Variants in EHD1 observed in about 807,000 individuals in gnomAD.
The protein encoded by EHD1 is EH domain containing 1.
Under a neutral mutation model 39.0 loss-of-function variants are expected in EHD1, and 19 were observed. That is an observed-to-expected ratio of 0.49 (90% confidence interval 0.34 to 0.72). EHD1 has a LOEUF of 0.72. Ranked by LOEUF, EHD1 falls within the 30% of genes least tolerant of loss-of-function variation. EHD1 has a pLI of 0.01. For synonymous variants in EHD1, 323 were observed against 331.2 expected (o/e 0.98, Z 0.27); for missense variants, 542 against 751.5 (o/e 0.72, Z 3.26).
chr11:64,876,913 C>G (rs982395131), intron 1 of EHD1, among the ~76,000 whole-genome samples: 5 of 152,218 alleles, frequency 3.3e-5, no homozygotes, highest in Admixed American at 6.5e-5. Context: ...TGAACAGACC[C>G]TGCTGAAGGT....
chr11:64,873,989 T>C (rs944507584), intron 2 of EHD1, among the ~76,000 whole-genome samples: 3 of 151,216 alleles, frequency 2.0e-5, no homozygotes, highest in Non-Finnish European at 4.4e-5. Context: ...ATTTTTTTTT[T>C]TAGAAAGGCT....
Position 64,859,933 on chromosome 11 carries a change from C to A in EHD1, c.906G>T (p.Arg302=). The change falls in exon 3 of 5, where the codon CGG becomes CGT. Residue 302 remains arginine, a synonymous_variant. Transcript: ENST00000320631. The stretch of plus-strand genomic sequence containing the variant: ...TCACCCCAGGGTCTACCTTGGCCAG[C>A]CGTGCCCGCTTGATCAGGTCATTGA... ...RKLNDLIKRA[R]LAKVHAYIIS... 1.2e-6 allele frequency: 2 copies of A among 1,611,368 alleles called. No individual in the cohort carries two copies. The highest frequency in any genetic ancestry group is 1.7e-6 in the Non-Finnish European group (2 of 1,178,438).
chr11:64,858,343 G>A (rs1257088612), intron 3 of EHD1, among the ~76,000 whole-genome samples: 11 of 151,764 alleles, frequency 7.2e-5, no homozygotes, highest in Non-Finnish European at 1.6e-4. Context: ...CACCACGCCC[G>A]GCTAATTTTT....
intron 1 of EHD1, among the ~76,000 whole-genome samples, chr11:64,874,791 C>T (rs550469759): frequency 2.0e-5 from 3 of 152,308 alleles, no homozygotes; most frequent in South Asian, 4.1e-4. Context: ...GGTCAACTTT[C>T]AAGCTGCTGA....
intron 3 of EHD1, among the ~76,000 whole-genome samples, chr11:64,859,064 C>T (rs1943685153): frequency 6.6e-6 from 1 of 152,250 alleles, no homozygotes; most frequent in Non-Finnish European, 1.5e-5. Context: ...TCCACTGGGA[C>T]AGCCCCTAGC....
intron 3 of EHD1, chr11:64,855,751 G>A (rs1159715653): frequency 2.0e-6 from 1 of 489,152 alleles, no homozygotes; most frequent in Non-Finnish European, 3.7e-6. Flanking sequence ...CAACAGCCTT[G>A]GCCTTGCACG....
chr11:64,855,523 C>T (rs776289908), intron 3 of EHD1, 37 bp from the exon 4 acceptor site: 28 of 1,610,330 alleles, frequency 1.7e-5, no homozygotes, highest in Non-Finnish European at 2.4e-5. Context: ...GCTCTCTTGG[C>T]CCAGGCTGCC....
intron 1 of EHD1, among the ~76,000 whole-genome samples, chr11:64,875,427 T>C (rs1035747345): frequency 6.6e-6 from 1 of 152,164 alleles, no homozygotes; most frequent in African/African-American, 2.4e-5. Context: ...GGCACGCGCC[T>C]GTAGTCCCAG....
intron 2 of EHD1, 110 bp downstream of exon 2, chr11:64,874,311 A>AG (rs1943862294): frequency 9.5e-7 from 1 of 1,047,530 alleles, no homozygotes; most frequent in East Asian, 2.8e-5. Context: ...CAAAAAAAAA[A>AG]AAAAAAAAAA....
chr11:64,861,019 CAAA>C (rs34278325), intron 2 of EHD1, among the ~76,000 whole-genome samples: 2 of 112,392 alleles, frequency 1.8e-5, no homozygotes, highest in Non-Finnish European at 1.7e-5. Context: ...GACTCCATCT[CAAA>C]AAAAAAAAAA....
chr11:64,859,075 G>A (rs747643648), intron 3 of EHD1, among the ~76,000 whole-genome samples: 2 of 152,230 alleles, frequency 1.3e-5, no homozygotes, highest in South Asian at 2.1e-4. Flanking sequence ...AGCCCCTAGC[G>A]CCAGCTCCCG....
rs909230028 is a variant in EHD1 at position 64,854,106 on chromosome 11, A to G, written c.*227T>C. On this transcript the variant is annotated 3_prime_UTR_variant, in exon 5 of 5. Coordinates refer to ENST00000320631, the MANE Select transcript of EHD1 (RefSeq NM_006795.4). ...CAAAGAACGCAGCCTCTAACGTTAT[A>G]TATTAAAATAGCCACAGTTCTTGTG... The G allele has an allele frequency of 1.3e-6, 1 of 750,286 alleles. No individual in the cohort carries two copies. The highest frequency in any genetic ancestry group is 2.1e-6 in the Non-Finnish European group (1 of 478,318). The allele number at this position is 750,286 out of a possible 1,614,324, so 46.5% of individuals were successfully genotyped here.
Position 64,853,880 on chromosome 11 carries a change from C to G in EHD1, c.*453G>C. 1 of 168,622 alleles carries G rather than the reference C, an allele frequency of 5.9e-6. No homozygotes were observed. The highest frequency in any genetic ancestry group is 1.3e-4 in the South Asian group (1 of 7,584). The allele number at this position is 168,622 out of a possible 1,614,324, so 10.4% of individuals were successfully genotyped here. A position where few individuals can be genotyped will look rare whatever the true frequency, so the allele number is the denominator to read the frequency against. On this transcript the variant is annotated 3_prime_UTR_variant, in exon 5 of 5. Coordinates refer to ENST00000320631, the MANE Select transcript of EHD1 (RefSeq NM_006795.4). ...CAGAGCCAGGTGAGGAAGGAAGCCACGGTCCCGTGAAGCAACCTCAGCTCA... is the reference window on the plus strand; with the variant it reads ...CAGAGCCAGGTGAGGAAGGAAGCCAGGGTCCCGTGAAGCAACCTCAGCTCA...
intron 1 of EHD1, among the ~76,000 whole-genome samples, chr11:64,876,358 C>T (rs568806522): frequency 1.3e-5 from 2 of 152,360 alleles, no homozygotes; most frequent in South Asian, 2.1e-4. Context: ...CATCCTGGCA[C>T]AGCTCTGGGC....
intron 4 of EHD1, 89 bp from the exon 5 acceptor site, chr11:64,854,946 A>AGT: frequency 2.6e-6 from 4 of 1,514,552 alleles, no homozygotes; most frequent in Non-Finnish European, 3.6e-6. Context: ...CTTCACAAGC[A>AGT]TAAAGTGCTG....
rs554846526 is a variant in EHD1, at chr11:64,859,149, C to T, written c.915+775G>A. ...GATGTTTATTTTTTGTTTGCGTGCTCTGCTTTCCCCATGAAGGCTGAGGAG... is the reference window on the plus strand; with the variant it reads ...GATGTTTATTTTTTGTTTGCGTGCTTTGCTTTCCCCATGAAGGCTGAGGAG... On this transcript the variant is annotated intron_variant, in intron 3 of 4. Transcript: ENST00000320631. Among the ~76,000 whole-genome samples, 17 of 152,312 alleles carry T rather than the reference C, an allele frequency of 1.1e-4. No individual in the cohort carries two copies. The South Asian group carries it at 3.5e-3, about 32-fold the overall frequency.
chr11:64,878,927 G>A (rs1943923853), upstream of EHD1: 3 of 1,018,294 alleles, frequency 2.9e-6, no homozygotes, highest in Admixed American at 5.5e-5. Context: ...CCTCTGGGCC[G>A]CGCGCCTTCC....
intron 2 of EHD1, among the ~76,000 whole-genome samples, chr11:64,871,992 G>A (rs949446115): frequency 3.9e-5 from 6 of 152,212 alleles, no homozygotes; most frequent in African/African-American, 7.2e-5. Context: ...TTGTCCCAGA[G>A]ACAGCCAGTG....
At chr11:64,878,728 C>T, upstream of EHD1, 1 of 1,326,286 alleles carries the variant, frequency 7.5e-7, no homozygotes, top group Non-Finnish European at 9.6e-7. Flanking sequence ...GGAGGAGCCC[C>T]TCCCAGCCCC....
Sources: allele counts gnomAD v4.1 joint callset (sites outside exome capture counted in the v4.1 genomes callset), GRCh38; gene constraint gnomAD v4.1.1; transcripts MANE v1.5; gene names NCBI Gene and HGNC (gene_info 2026-07-23, HGNC 2026-07-21).